Variants in FANCA observed in about 807,000 individuals in gnomAD.
The protein encoded by FANCA is FA complementation group A, also known as Fanconi anemia group A protein.
FANCA carries 236 observed loss-of-function variants against 194.3 expected under a neutral mutation model. The ratio of observed to expected loss-of-function variants is 1.21; its 90% CI spans 1.09 to 1.35. The LOEUF (loss-of-function observed/expected upper bound fraction) is 1.35. FANCA is among the 40% of genes most tolerant of loss of function. The probability of loss-of-function intolerance (pLI) is 0.00; values close to 1 mark genes in which losing one functional copy is unlikely to be tolerated. For missense variants in FANCA, 2,628 were observed against 1,813.9 expected (o/e 1.45, Z -8.15); for synonymous variants, 1,014 against 715.8 (o/e 1.42, Z -6.65).
At chr16:89,765,995 A>T (rs1473417977) in intron 27 of FANCA, among the ~76,000 whole-genome samples, 1 of 148,084 alleles carries the variant, frequency 6.8e-6, no homozygotes, top group African/African-American at 2.5e-5. Flanking sequence ...ACCATTATTT[A>T]TTTATTTTTT....
chr16:89,779,175 G>A (rs764047169), intron 18 of FANCA, among the ~76,000 whole-genome samples, 172 bp from the exon 19 acceptor site: 4 of 152,130 alleles, frequency 2.6e-5, no homozygotes, highest in African/African-American at 4.8e-5. Context: ...AGGGCAGGCC[G>A]TGCTAGCCCA....
intron 10 of FANCA, chr16:89,798,726 C>G (rs2040333619): frequency 2.2e-6 from 3 of 1,335,688 alleles, no homozygotes; most frequent in African/African-American, 2.9e-5. Context: ...ACTGGTGAAT[C>G]TGAGCAGGAT....
At position 89,737,879 on chromosome 16, in the gene FANCA, G is replaced by A; in HGVS notation, c.*722C>T. 1 of 1,613,990 alleles carries A rather than the reference G, an allele frequency of 6.2e-7. No individual in the cohort carries two copies. Among genetic ancestry groups the A allele is most frequent in the Non-Finnish European group, 8.5e-7 (1 of 1,180,000 alleles). ...GGAAGCACCTTCTCGTCCACCAAATGCGACATTCGGGAGCCAAGCCTTTGC... is the reference window on the plus strand; with the variant it reads ...GGAAGCACCTTCTCGTCCACCAAATACGACATTCGGGAGCCAAGCCTTTGC... On this transcript the variant is annotated 3_prime_UTR_variant, in exon 43 of 43. Transcript: ENST00000389301.
At position 89,770,173 on chromosome 16, in the gene FANCA, C is replaced by T. The variant is rs145552439; in HGVS notation, c.2309G>A (p.Arg770His). ...AVLTRLCQLL[R>H]HQGPSLSAPH... ...CATGAAGGAGAGCCTCACCTGGTGA[C>T]GGAGCAGCTGGCAGAGCCGGGTGAG... Residue 770 changes from arginine to histidine, a missense_variant, in exon 25 of 43, where the codon CGT becomes CAT. Physicochemically the swap from Arg to His is conservative, Grantham distance 29 (BLOSUM62 0). Transcript: ENST00000389301. 81 of 1,589,312 alleles carry T rather than the reference C, an allele frequency of 5.1e-5. No homozygotes were observed. Among genetic ancestry groups the T allele is most frequent in the African/African-American group, 2.3e-4 (17 of 74,684 alleles).
chr16:89,805,433 TC>T, intron 6 of FANCA, 41 bp from the exon 7 acceptor site: 1 of 1,507,336 alleles, frequency 6.6e-7, no homozygotes, highest in Non-Finnish European at 9.2e-7. Flanking sequence ...CTCAACTAAA[TC>T]CCATCATCAG....
chr16:89,748,000 C>T (rs1434079232), intron 33 of FANCA, among the ~76,000 whole-genome samples: 2 of 152,190 alleles, frequency 1.3e-5, no homozygotes, highest in African/African-American at 4.8e-5. Context: ...GCAACTCTGC[C>T]TCCTGGGCTC....
At position 89,741,969 on chromosome 16, in the gene FANCA, C is replaced by A. The variant is rs192301846; in HGVS notation, c.3765+831G>T. On this transcript the variant is annotated intron_variant, in intron 37 of 42. Transcript: ENST00000389301. ...CATCTCTTTTAATTTTTACTTTAAACAAATTTTTTTTTTTTGAGACAAGTC... is the reference window on the plus strand; with the variant it reads ...CATCTCTTTTAATTTTTACTTTAAAAAAATTTTTTTTTTTTGAGACAAGTC... Among the ~76,000 whole-genome samples the A allele has an allele frequency of 2.7e-3, 402 of 149,602 alleles. 1 individual carries two copies. The highest frequency in any genetic ancestry group is 9.8e-3 in the African/African-American group (387 of 39,474).
At chr16:89,804,877 C>CA (rs35038834) in intron 7 of FANCA, among the ~76,000 whole-genome samples, 2,164 of 149,078 alleles carry the variant, frequency 0.015, 44 homozygotes, top group South Asian at 0.098. Flanking sequence ...ACTAAAAATA[C>CA]AAAAAAAAAA....
chr16:89,763,133 G>C lies in FANCA; in HGVS notation c.2779-1111C>G, dbSNP rs551211355. The stretch of plus-strand genomic sequence containing the variant: ...GCGGTGGCGTGCACCTGTGGTCCCA[G>C]CTACTTGGGAGGCCGAGTCAGGAGA... On this transcript the variant is annotated intron_variant, in intron 28 of 42. Transcript: ENST00000389301. Among the ~76,000 whole-genome samples the C allele has an allele frequency of 8.6e-5, 13 of 151,966 alleles. No homozygotes were observed. In the South Asian group the frequency reaches 2.5e-3, roughly 29 times the overall value.
intron 20 of FANCA, among the ~76,000 whole-genome samples, chr16:89,776,752 AC>A (rs2039520287): frequency 6.6e-6 from 1 of 151,824 alleles, no homozygotes. Context: ...AATGGCATGA[AC>A]CCAGAAGGTG....
rs1420242536 is a variant in FANCA at position 89,761,938 on chromosome 16, T to C, written c.2852+11A>G. 1.2e-6 allele frequency: 2 copies of C among 1,612,104 alleles called. No homozygotes were observed. Among genetic ancestry groups the C allele is most frequent in the Admixed American group, 3.3e-5 (2 of 60,018 alleles). ...TCATGCCTGGCCAGGGTAGCTCTTT[T>C]CAACACTTACCGTTCAGTATCTGAA... On this transcript the variant is annotated intron_variant, in intron 29 of 42. Transcript: ENST00000389301.
At chr16:89,789,195 A>G (rs2039988845) in intron 14 of FANCA, among the ~76,000 whole-genome samples, 1 of 151,866 alleles carries the variant, frequency 6.6e-6, no homozygotes. Flanking sequence ...GTGAGAAGGA[A>G]CTTTAAGGAA....
chr16:89,791,560 C>G (rs750599798), intron 13 of FANCA, 24 bp from the exon 14 acceptor site: 4 of 1,613,426 alleles, frequency 2.5e-6, no homozygotes, highest in Non-Finnish European at 3.4e-6. Context: ...ATGACATAGT[C>G]ACAGCAAGGC....
At chr16:89,812,327 G>A (rs1034526838) in intron 3 of FANCA, among the ~76,000 whole-genome samples, 13 of 149,432 alleles carry the variant, frequency 8.7e-5, no homozygotes, top group African/African-American at 2.7e-4. Flanking sequence ...GACAGAGCCA[G>A]ACTTCATCTC....
At chr16:89,811,359 C>T (rs1205789639) in intron 3 of FANCA, among the ~76,000 whole-genome samples, 2 of 152,190 alleles carry the variant, frequency 1.3e-5, no homozygotes, top group African/African-American at 4.8e-5. Flanking sequence ...ATATTCTGAC[C>T]AAGAACTTTA....
chr16:89,774,907 A>G (rs892245265), intron 21 of FANCA, among the ~76,000 whole-genome samples: 4 of 152,000 alleles, frequency 2.6e-5, no homozygotes, highest in African/African-American at 9.6e-5. Flanking sequence ...CAGCTTGTCC[A>G]ACATGGCGAA....
rs1567591920 is a variant in FANCA at position 89,738,894 on chromosome 16, T to A, written c.4248A>T (p.Ser1416=). ...ATCTTGACGTTACCTCTGCCACGTG[T>A]GAGAAGCTCTTTTTCGGGCACCGAG... is the stretch of plus-strand genomic sequence containing the variant. ...LIPRCPKKSF[S]HVAELLADRG... Residue 1416 remains serine, a synonymous_variant, in exon 42 of 43, where the codon TCA becomes TCT. Coordinates refer to ENST00000389301, the MANE Select transcript of FANCA (RefSeq NM_000135.4). 1 of 1,614,230 alleles carries A rather than the reference T, an allele frequency of 6.2e-7. No homozygotes were observed. The highest frequency in any genetic ancestry group is 8.5e-7 in the Non-Finnish European group (1 of 1,180,044).
intron 36 of FANCA, among the ~76,000 whole-genome samples, chr16:89,743,314 C>T (rs1473310699): frequency 6.6e-6 from 1 of 152,232 alleles, no homozygotes; most frequent in Non-Finnish European, 1.5e-5. Flanking sequence ...CAACAGAGAA[C>T]AAAGGACTGC....
chr16:89,751,171 G>A (rs535248065), intron 31 of FANCA, among the ~76,000 whole-genome samples: 1 of 152,122 alleles, frequency 6.6e-6, no homozygotes, highest in Admixed American at 6.5e-5. Context: ...GGGATTACAG[G>A]CATAAGCCAC....
Sources: allele counts gnomAD v4.1 joint callset (sites outside exome capture counted in the v4.1 genomes callset), GRCh38; gene constraint gnomAD v4.1.1; transcripts MANE v1.5; gene names NCBI Gene and HGNC (gene_info 2026-07-23, HGNC 2026-07-21).